The following DENND3 variants were observed in gnomAD, a reference collection of about 807,000 sequenced individuals.
The protein encoded by DENND3 is DENN domain containing 3.
DENND3 carries 88 observed loss-of-function variants against 135.1 expected under a neutral mutation model. The observed-to-expected ratio is 0.65, with a 90% confidence interval of 0.55 to 0.78. The LOEUF (loss-of-function observed/expected upper bound fraction) is 0.78. Among genes scored for constraint, DENND3 ranks in the 30% least tolerant of loss-of-function variants. The pLI is 0.00. For synonymous variants in DENND3, 693 were observed against 712.3 expected, an observed-to-expected ratio of 0.97 and a Z score of 0.43; for missense variants, 1,392 against 1,688.4, an observed-to-expected ratio of 0.82 and a Z score of 3.08.
At chr8:141,186,865 G>A (rs1029975840) in intron 18 of DENND3, among the ~76,000 whole-genome samples, 3 of 152,016 alleles carry the variant, frequency 2.0e-5, no homozygotes, top group Admixed American at 6.5e-5. Flanking sequence ...CTGTTTGCCC[G>A]TCAGCGCTGT....
chr8:141,129,110 G>T (rs1204886894), intron 1 of DENND3, among the ~76,000 whole-genome samples: 1 of 152,206 alleles, frequency 6.6e-6, no homozygotes, highest in Non-Finnish European at 1.5e-5. Flanking sequence ...ATCTGGGGGT[G>T]CCGCCCCTCG....
intron 8 of DENND3, chr8:141,157,486 G>A (rs958608204): frequency 2.0e-6 from 2 of 985,606 alleles, no homozygotes; most frequent in South Asian, 4.7e-5. Context: ...TGCGGTCGTG[G>A]AGGTGACGCT....
At chr8:141,135,528 G>A (rs1234282484) in intron 1 of DENND3, among the ~76,000 whole-genome samples, 3 of 152,140 alleles carry the variant, frequency 2.0e-5, no homozygotes. Flanking sequence ...CATGCCTTGG[G>A]TACCCAGGGC....
In DENND3 at chr8:141,186,812, C is replaced by T. The variant is rs148847442; in HGVS notation, c.3084+1534C>T. 6.6e-3 allele frequency among the ~76,000 whole-genome samples: 1,009 copies of T among 152,290 alleles called. 5 individuals carry two copies. The highest frequency in any genetic ancestry group is 9.8e-3 in the Admixed American group (150 of 15,304). On this transcript the variant is annotated intron_variant, in intron 18 of 22. Transcript: ENST00000519811. ...CCTGCTCATCCCTCCAGGCCCCCAG[C>T]GGCCCCTCCTGCCTGCAGACCATCA...
Position 141,145,803 on chromosome 8 carries a change from TTATATATATATATATA to T in DENND3, c.735+1576_735+1591del, listed in dbSNP as rs60546894. Among the ~76,000 whole-genome samples, 306 of 87,094 alleles carry T rather than the reference TTATATATATATATATA, an allele frequency of 3.5e-3. 6 individuals carry two copies. The highest frequency in any genetic ancestry group is 8.6e-3 in the Middle Eastern group (1 of 116). The allele number at this position is 87,094 out of a possible 152,430, so 57.1% of individuals were successfully genotyped here. A position where few individuals can be genotyped will look rare whatever the true frequency, so the allele number is the denominator to read the frequency against. On this transcript the variant is annotated intron_variant, in intron 5 of 22. Transcript: ENST00000519811. Reference sequence around the variant, plus strand: ...GTTTATTTGTCTTTAATATTGAATATTATATATATATATATATATATATATATATATATATATATAT... The same window carrying T: ...GTTTATTTGTCTTTAATATTGAATATTATATATATATATATATATATATAT...
chr8:141,156,081 T>C (rs1819393249), intron 8 of DENND3, 111 bp downstream of exon 8: 6 of 1,340,694 alleles, frequency 4.5e-6, no homozygotes, highest in Non-Finnish European at 5.9e-6. Flanking sequence ...GTTTTATATA[T>C]TATAGTTTGG....
rs975681747 is a variant in DENND3 at position 141,175,764 on chromosome 8, T to C, written c.2535+305T>C. 4.7e-6 allele frequency: 2 copies of C among 421,796 alleles called. No homozygotes were observed. Among genetic ancestry groups the C allele is most frequent in the African/African-American group, 4.0e-5 (2 of 49,440 alleles). 26.1% of individuals were successfully genotyped at this position (421,796 alleles called of 1,614,324 possible). A position where few individuals can be genotyped will look rare whatever the true frequency, so the allele number is the denominator to read the frequency against. On this transcript the variant is annotated intron_variant, in intron 14 of 22. Coordinates refer to ENST00000519811, the MANE Select transcript of DENND3 (RefSeq NM_001352890.3). The surrounding 1 kb of genome is among the most constrained non-coding windows in gnomAD (Gnocchi z 5.4). ...TAAGAATGTGGGCTGACATTCTCAT[T>C]AGGGACAGTAGGACGCCTTCGTTCA...
At chr8:141,179,573 C>T (rs1033904017) in intron 16 of DENND3, among the ~76,000 whole-genome samples, 1 of 152,204 alleles carries the variant, frequency 6.6e-6, no homozygotes, top group African/African-American at 2.4e-5. Context: ...ATGGCCAACT[C>T]ATGATGGAAG....
Position 141,175,660 on chromosome 8 carries a change from G to A in DENND3, c.2535+201G>A. 1 of 747,576 alleles carries A rather than the reference G, an allele frequency of 1.3e-6. No homozygotes were observed. Among genetic ancestry groups the A allele is most frequent in the Non-Finnish European group, 2.2e-6 (1 of 447,380 alleles). 46.3% of individuals were successfully genotyped at this position (747,576 alleles called of 1,614,324 possible). A position where few individuals can be genotyped will look rare whatever the true frequency, so the allele number is the denominator to read the frequency against. On this transcript the variant is annotated intron_variant, in intron 14 of 22. Coordinates refer to ENST00000519811, the MANE Select transcript of DENND3 (RefSeq NM_001352890.3). The surrounding 1 kb of genome is among the most constrained non-coding windows in gnomAD (Gnocchi z 5.4). ...ACCTTCTCAGTGGGTGGTGGAGATT[G>A]AATAGTTTGCATATGGAGCATGCTT...
chr8:141,136,367 C>T, intron 1 of DENND3, 142 bp from the exon 2 acceptor site: 1 of 856,694 alleles, frequency 1.2e-6, no homozygotes, highest in East Asian at 2.7e-5. Context: ...TCCCAGGAGC[C>T]CTTTACTGTT....
At position 141,178,133 on chromosome 8, in the gene DENND3, C is replaced by A; in HGVS notation, c.2773C>A (p.Gln925Lys). Reference protein sequence around the residue: ...LLMDAVVGTLQSPGAIYAASK... With the variant: ...LLMDAVVGTLKSPGAIYAASK... ...GATGGACGCCGTCGTGGGCACACTG[C>A]AGTCACCAGGCGCCATCTACGCTGC... Residue 925 changes from glutamine to lysine, a missense_variant, in exon 16 of 23, where the codon CAG becomes AAG. Gln to Lys is a moderately conservative substitution (Grantham distance 53). Transcript: ENST00000519811. 1 of 1,613,428 alleles carries A rather than the reference C, an allele frequency of 6.2e-7. No homozygotes were observed. The highest frequency in any genetic ancestry group is 8.5e-7 in the Non-Finnish European group (1 of 1,179,344).
At chr8:141,187,836 G>A (rs909237560) in intron 18 of DENND3, among the ~76,000 whole-genome samples, 5 of 152,080 alleles carry the variant, frequency 3.3e-5, no homozygotes, top group African/African-American at 9.7e-5. Context: ...ACAAAAAAAG[G>A]AAAAATTAGG....
intron 7 of DENND3, among the ~76,000 whole-genome samples, chr8:141,153,499 C>T (rs1819067263): frequency 6.6e-6 from 1 of 152,252 alleles, no homozygotes; most frequent in Admixed American, 6.5e-5. Flanking sequence ...CACCCCCAGC[C>T]CCGCTTTTCC....
rs770437022 is a variant in DENND3, at chr8:141,194,228, G to A, written c.3832G>A (p.Glu1278Lys). The A allele has an allele frequency of 2.5e-6, 4 of 1,611,908 alleles. No individual in the cohort carries two copies. Among genetic ancestry groups the A allele is most frequent in the Middle Eastern group, 1.7e-4 (1 of 6,050 alleles). ...GGGGAAAGTCGCCATTTGGAAAGGC[G>A]AATAAACGTGGCTGAGTCTGCCAAG... Reference protein sequence around the residue: ...EEGKVAIWKGE With the variant: ...EEGKVAIWKGK Residue 1278 changes from glutamate to lysine, a missense_variant, in exon 23 of 23, where the codon GAA becomes AAA. By Grantham distance (56) the Glu-to-Lys change is moderately conservative. Transcript: ENST00000519811.
chr8:141,146,901 A>C lies in DENND3; in HGVS notation c.735+2642A>C, dbSNP rs1402069438. Among the ~76,000 whole-genome samples, 1 of 152,222 alleles carries C rather than the reference A, an allele frequency of 6.6e-6. No individual in the cohort carries two copies. The highest frequency in any genetic ancestry group is 1.9e-4 in the East Asian group (1 of 5,198). On this transcript the variant is annotated intron_variant, in intron 5 of 22. Coordinates refer to ENST00000519811, the MANE Select transcript of DENND3 (RefSeq NM_001352890.3). This position sits in a 1 kb window ranked among gnomAD's most constrained non-coding sequence, Gnocchi z 4.3. ...CTGTAAACGCAGCAAGTATTTACTG[A>C]GGGCCTGTGAGATCCGTGAACAGAG... is the stretch of plus-strand genomic sequence containing the variant.
At chr8:141,134,456 C>A (rs531059818) in intron 1 of DENND3, among the ~76,000 whole-genome samples, 4 of 151,680 alleles carry the variant, frequency 2.6e-5, no homozygotes, top group Admixed American at 6.6e-5. Context: ...CCACCATGCC[C>A]GGCTAATTTT....
At position 141,150,751 on chromosome 8, in the gene DENND3, G is replaced by A. The variant is rs1001297204; in HGVS notation, c.736-83G>A. 16 of 1,456,274 alleles carry A rather than the reference G, an allele frequency of 1.1e-5. No individual in the cohort carries two copies. In the Admixed American group the frequency reaches 3.2e-4, roughly 29 times the overall value. 90.2% of individuals were successfully genotyped at this position (1,456,274 alleles called of 1,614,324 possible). On this transcript the variant is annotated intron_variant, in intron 5 of 22. Coordinates refer to ENST00000519811, the MANE Select transcript of DENND3 (RefSeq NM_001352890.3). ...AATGTTTTCTAACTCTGATGCCCTGGGCACCGAAATAGTGACAGTAGTGCA... is the reference window on the plus strand; with the variant it reads ...AATGTTTTCTAACTCTGATGCCCTGAGCACCGAAATAGTGACAGTAGTGCA...
At chr8:141,156,014 T>C (rs1418380392) in intron 8 of DENND3, 44 bp downstream of exon 8, 2 of 1,559,884 alleles carry the variant, frequency 1.3e-6, no homozygotes, top group Admixed American at 3.8e-5. Context: ...CCGTCTTTGT[T>C]CAGATTCTGT....
At chr8:141,149,412 T>G (rs1818522410) in intron 5 of DENND3, among the ~76,000 whole-genome samples, 1 of 152,214 alleles carries the variant, frequency 6.6e-6, no homozygotes, top group African/African-American at 2.4e-5. Flanking sequence ...CTACTGGTCA[T>G]AAAAAATCAC....
Sources: gnomAD v4.1 joint callset for allele counts (sites outside exome capture counted in the v4.1 genomes callset) on GRCh38, gnomAD v4.1.1 for gene constraint, Gnocchi (gnomAD v3.1) non-coding constraint, MANE v1.5 for transcripts, NCBI Gene and HGNC (gene_info 2026-07-23, HGNC 2026-07-21) for gene names.